Variants in DNAJC1 observed in about 807,000 individuals in gnomAD.
DNAJC1 encodes dnaJ homolog subfamily C member 1.
Under a neutral mutation model 76.6 loss-of-function variants are expected in DNAJC1, and 58 were observed. The observed-to-expected ratio is 0.76, with a 90% CI of 0.61 to 0.94. The LOEUF is 0.94. DNAJC1 is among the 40% of genes least tolerant of loss of function. The probability of loss-of-function intolerance (pLI) is 0.00; values close to 1 mark genes in which losing one functional copy is unlikely to be tolerated. For synonymous variants in DNAJC1, 258 were observed against 267.9 expected (o/e 0.96, Z 0.36); for missense variants, 689 against 677.3 (o/e 1.02, Z -0.19).
intron 4 of DNAJC1, among the ~76,000 whole-genome samples, chr10:21,920,328 T>C (rs896591911): frequency 6.6e-6 from 1 of 152,078 alleles, no homozygotes; most frequent in Non-Finnish European, 1.5e-5. Context: ...GAATAAACTA[T>C]AGAGTAGCAT....
At chr10:21,982,786 C>T (rs1838177896) in intron 1 of DNAJC1, among the ~76,000 whole-genome samples, 1 of 151,724 alleles carries the variant, frequency 6.6e-6, no homozygotes, top group South Asian at 2.1e-4. Context: ...TTGTACATTG[C>T]TGGTAGGAAT....
At chr10:21,978,803 T>A (rs1453022299) in intron 1 of DNAJC1, among the ~76,000 whole-genome samples, 1 of 152,116 alleles carries the variant, frequency 6.6e-6, no homozygotes, top group African/African-American at 2.4e-5. Flanking sequence ...AAGCCACCAT[T>A]TATTCAGAGT....
At chr10:21,992,968 T>C (rs1349324336) in intron 1 of DNAJC1, among the ~76,000 whole-genome samples, 1 of 152,230 alleles carries the variant, frequency 6.6e-6, no homozygotes, top group East Asian at 1.9e-4. Context: ...CTTATTGATT[T>C]CGTCTCTATC....
At chr10:22,002,194 G>A (rs1402744519) in intron 1 of DNAJC1, among the ~76,000 whole-genome samples, 1 of 152,190 alleles carries the variant, frequency 6.6e-6, no homozygotes, top group Admixed American at 6.5e-5. Flanking sequence ...CATGTGAAGT[G>A]TGCCTTGAAT....
intron 1 of DNAJC1, among the ~76,000 whole-genome samples, chr10:21,982,717 T>TAAAAAAAAAAA (rs576398958): frequency 7.9e-6 from 1 of 127,186 alleles, no homozygotes; most frequent in African/African-American, 2.8e-5. Flanking sequence ...ATAGCTATCA[T>TAAAAAAAAAAA]AAAAAAAAAA....
intron 8 of DNAJC1, among the ~76,000 whole-genome samples, chr10:21,816,664 G>A (rs1207402913): frequency 2.0e-5 from 3 of 150,386 alleles, no homozygotes; most frequent in African/African-American, 7.3e-5. Flanking sequence ...TCCTGCCTCA[G>A]GCTCCCGAGT....
At chr10:21,913,901 CACTCTACT>C (rs1836910417) in intron 6 of DNAJC1, among the ~76,000 whole-genome samples, 1 of 152,174 alleles carries the variant, frequency 6.6e-6, no homozygotes, top group African/African-American at 2.4e-5. Flanking sequence ...TTCTGGGGAT[CACTCTACT>C]TGCTTTGTTA....
intron 1 of DNAJC1, among the ~76,000 whole-genome samples, chr10:21,971,997 T>C (rs1241060651): frequency 6.6e-6 from 1 of 151,944 alleles, no homozygotes; most frequent in Non-Finnish European, 1.5e-5. Context: ...ATCCTCTTTA[T>C]TTTGTATATA....
At chr10:21,839,921 T>C (rs1008585442) in intron 8 of DNAJC1, among the ~76,000 whole-genome samples, 2 of 152,168 alleles carry the variant, frequency 1.3e-5, no homozygotes, top group African/African-American at 4.8e-5. Context: ...GTGGGCTTCA[T>C]CCCTGGGATG....
chr10:21,850,294 G>A lies in DNAJC1; in HGVS notation c.978+31988C>T, dbSNP rs77599616. Among the ~76,000 whole-genome samples the A allele has an allele frequency of 5.3e-3, 801 of 152,086 alleles. 50 individuals are homozygous for A. The East Asian group carries it at 0.13, about 25-fold the overall frequency. On this transcript the variant is annotated intron_variant, in intron 8 of 11. Coordinates refer to ENST00000376980, the MANE Select transcript of DNAJC1 (RefSeq NM_022365.4). ...AGGTACAAAAATCAATACATAAAACGCAGTTGGGTTTCTAGACACTAACAA... is the reference window on the plus strand; with the variant it reads ...AGGTACAAAAATCAATACATAAAACACAGTTGGGTTTCTAGACACTAACAA...
chr10:21,783,497 A>T (rs1252398807), intron 9 of DNAJC1, among the ~76,000 whole-genome samples: 2 of 152,216 alleles, frequency 1.3e-5, no homozygotes, highest in East Asian at 3.8e-4. Flanking sequence ...TGTAGATTCA[A>T]TGCCATCCCC....
chr10:21,868,668 T>G lies in DNAJC1; in HGVS notation c.978+13614A>C, dbSNP rs1254530480. Among the ~76,000 whole-genome samples the G allele has an allele frequency of 3.3e-5, 5 of 152,016 alleles. No individual in the cohort carries two copies. The East Asian group carries it at 9.6e-4, about 29-fold the overall frequency. ...AAATGACAAAACTGTAGAGAATTGG[T>G]TGTCAGAGGTTAAGGAGGGTGAGTA... On this transcript the variant is annotated intron_variant, in intron 8 of 11. Coordinates refer to ENST00000376980, the MANE Select transcript of DNAJC1 (RefSeq NM_022365.4).
In DNAJC1 at chr10:21,795,369, A is replaced by G. The variant is rs544804184; in HGVS notation, c.1098+10611T>C. On this transcript the variant is annotated intron_variant, in intron 9 of 11. Coordinates refer to ENST00000376980, the MANE Select transcript of DNAJC1 (RefSeq NM_022365.4). ...GATGAACTTCAAATACCTTTCGCCAAGTGAAAGCAGCCATATGTGAAAGAC... is the reference window on the plus strand; with the variant it reads ...GATGAACTTCAAATACCTTTCGCCAGGTGAAAGCAGCCATATGTGAAAGAC... Among the ~76,000 whole-genome samples the G allele has an allele frequency of 4.6e-5, 7 of 152,364 alleles. No homozygotes were observed. The South Asian group carries it at 8.3e-4, about 18-fold the overall frequency.
intron 7 of DNAJC1, among the ~76,000 whole-genome samples, chr10:21,898,589 G>C (rs1274923150): frequency 7.3e-6 from 1 of 136,130 alleles, no homozygotes; most frequent in Non-Finnish European, 1.6e-5. Context: ...TCTTGCTCTT[G>C]TTGCCCAGGC....
chr10:21,787,542 T>G (rs148099433), intron 9 of DNAJC1, among the ~76,000 whole-genome samples: 2 of 152,212 alleles, frequency 1.3e-5, no homozygotes, highest in Non-Finnish European at 2.9e-5. Flanking sequence ...CCACTACATT[T>G]TAACAGAAAT....
Position 21,766,302 on chromosome 10 carries a change from G to C in DNAJC1, c.1106C>G (p.Thr369Ser), listed in dbSNP as rs567433415. The C allele has an allele frequency of 3.3e-5, 54 of 1,613,688 alleles. No homozygotes were observed. The highest frequency in any genetic ancestry group is 3.0e-4 in the South Asian group (27 of 91,064). ...ELGRSVTDVTTKAKQLKDSVT... is the reference protein window; with the variant it reads ...ELGRSVTDVTSKAKQLKDSVT... ...TGAATCCTTCAGTTGCTTGGCTTTG[G>C]TTGTCACCTGTTTCAAAACATAAAA... Residue 369 changes from threonine (T) to serine (S), a missense_variant, in exon 10 of 12, where the codon ACC becomes AGC. Thr to Ser is a moderately conservative substitution (Grantham distance 58, BLOSUM62 1). Coordinates refer to ENST00000376980, the MANE Select transcript of DNAJC1 (RefSeq NM_022365.4).
At chr10:21,783,337 C>A (rs1466239725) in intron 9 of DNAJC1, among the ~76,000 whole-genome samples, 3 of 152,164 alleles carry the variant, frequency 2.0e-5, no homozygotes, top group African/African-American at 4.8e-5. Context: ...AGGAATCCAA[C>A]TTACAAGGGA....
intron 1 of DNAJC1, among the ~76,000 whole-genome samples, chr10:21,977,540 A>G (rs747160913): frequency 6.6e-6 from 1 of 152,190 alleles, no homozygotes; most frequent in Non-Finnish European, 1.5e-5. Flanking sequence ...ATATCTCTCT[A>G]TTTATAGGCT....
intron 8 of DNAJC1, among the ~76,000 whole-genome samples, chr10:21,839,950 C>T (rs997515003): frequency 3.2e-4 from 48 of 152,114 alleles, no homozygotes; most frequent in Admixed American, 1.1e-3. Context: ...GTTCAACATA[C>T]GCAAATCAAT....
Sources: allele counts gnomAD v4.1 joint callset (sites outside exome capture counted in the v4.1 genomes callset), GRCh38; gene constraint gnomAD v4.1.1; transcripts MANE v1.5; gene names NCBI Gene and HGNC (gene_info 2026-07-23, HGNC 2026-07-21).